DZIP3: variants seen among roughly 807,000 people sequenced by gnomAD.
DZIP3 encodes E3 ubiquitin-protein ligase DZIP3.
DZIP3 carries 118 observed loss-of-function variants against 162.0 expected under a neutral mutation model. That is an observed-to-expected ratio of 0.73 (90% CI 0.63 to 0.85). The LOEUF is 0.85. Ranked by LOEUF, DZIP3 falls within the 40% of genes least tolerant of loss-of-function variation. DZIP3 has a pLI of 0.00. For synonymous variants in DZIP3, 438 were observed against 458.6 expected, an observed-to-expected ratio of 0.96 and a Z score of 0.57; for missense variants, 1,331 against 1,407.0, an observed-to-expected ratio of 0.95 and a Z score of 0.86.
intron 24 of DZIP3, among the ~76,000 whole-genome samples, chr3:108,674,561 T>TA (rs1235570481): frequency 6.6e-6 from 1 of 151,976 alleles, no homozygotes; most frequent in Non-Finnish European, 1.5e-5. Context: ...GAACACCAGA[T>TA]ACTTATGAAA....
intron 22 of DZIP3, 109 bp downstream of exon 22, chr3:108,669,858 T>A: frequency 1.1e-6 from 1 of 870,336 alleles, no homozygotes; most frequent in Non-Finnish European, 1.8e-6. Context: ...GGGGTACTTT[T>A]GAGGCTGATA....
intron 22 of DZIP3, 50 bp downstream of exon 22, chr3:108,669,799 C>A: frequency 7.1e-7 from 1 of 1,400,966 alleles, no homozygotes; most frequent in Non-Finnish European, 1.0e-6. Context: ...AACTGTATTT[C>A]ACTCAACACT....
Position 108,686,589 on chromosome 3 carries a change from C to A in DZIP3, c.3149+5C>A. On this transcript the variant is annotated splice_donor_5th_base_variant and intron_variant, in intron 28 of 32. Coordinates refer to ENST00000361582, the MANE Select transcript of DZIP3 (RefSeq NM_014648.4). Reference sequence around the variant, plus strand: ...TGCCTTTCCACAGCAAACCAGGTACCTTAGTTTTTATTTATTGGTGGGTAC... The same window carrying A: ...TGCCTTTCCACAGCAAACCAGGTACATTAGTTTTTATTTATTGGTGGGTAC... The A allele has an allele frequency of 3.1e-6, 5 of 1,594,320 alleles. No individual in the cohort carries two copies. The highest frequency in any genetic ancestry group is 1.1e-5 in the South Asian group (1 of 87,370).
At chr3:108,660,887 C>G (rs1236903606) in intron 19 of DZIP3, among the ~76,000 whole-genome samples, 1 of 152,190 alleles carries the variant, frequency 6.6e-6, no homozygotes, top group Non-Finnish European at 1.5e-5. Context: ...TGAAAAAATA[C>G]TCATCATCAC....
chr3:108,674,071 C>A lies in DZIP3; in HGVS notation c.2590-7C>A, dbSNP rs753929891. Reference sequence around the variant, plus strand: ...AACTTCTTTCTCTTTCTCTCAAAAACCTGTAGGTGTATTTCTTACAGTGTC... The same window carrying A: ...AACTTCTTTCTCTTTCTCTCAAAAAACTGTAGGTGTATTTCTTACAGTGTC... On this transcript the variant is annotated splice_region_variant and splice_polypyrimidine_tract_variant and intron_variant, in intron 23 of 32. Coordinates refer to ENST00000361582, the MANE Select transcript of DZIP3 (RefSeq NM_014648.4). 1 of 1,602,852 alleles carries A rather than the reference C, an allele frequency of 6.2e-7. No homozygotes were observed. Among genetic ancestry groups the A allele is most frequent in the South Asian group, 1.1e-5 (1 of 90,738 alleles).
chr3:108,644,619 G>A lies in DZIP3; in HGVS notation c.1597G>A (p.Val533Ile), dbSNP rs1449188267. ...ACAGTTCAATTCAATTTGGAAAAAA[G>A]TTTCAGATATTCTTCTGCGCCTTGG... Reference protein sequence around the residue: ...ESQFNSIWKKVSDILLRLGMM... With the variant: ...ESQFNSIWKKISDILLRLGMM... The change falls in exon 14 of 33, where the codon GTT (valine) becomes ATT (isoleucine). Residue 533 changes from valine (V) to isoleucine (I), a missense_variant. Coordinates refer to ENST00000361582, the MANE Select transcript of DZIP3 (RefSeq NM_014648.4). 2 of 1,613,904 alleles carry A rather than the reference G, an allele frequency of 1.2e-6. No individual in the cohort carries two copies. The highest frequency in any genetic ancestry group is 1.3e-5 in the African/African-American group (1 of 74,910).
At chr3:108,690,964 G>A (rs911840799) in intron 32 of DZIP3, 61 bp downstream of exon 32, 2 of 1,409,294 alleles carry the variant, frequency 1.4e-6, no homozygotes, top group African/African-American at 1.4e-5. Flanking sequence ...TTGTTTGAGT[G>A]GTGTAAAACT....
At chr3:108,653,505 G>GTATATATATATA (rs1216334552) in intron 18 of DZIP3, among the ~76,000 whole-genome samples, 6 of 67,824 alleles carry the variant, frequency 8.8e-5, no homozygotes, top group African/African-American at 1.8e-4. Context: ...TTGTGTGTGT[G>GTATATATATATA]TGTATATATA....
chr3:108,687,916 C>T, intron 28 of DZIP3, 60 bp from the exon 29 acceptor site: 4 of 1,599,794 alleles, frequency 2.5e-6, no homozygotes, highest in Non-Finnish European at 3.4e-6. Context: ...TTGGTGGGTA[C>T]ATCCTCAAAG....
At chr3:108,598,044 A>G (rs1207254125) in intron 1 of DZIP3, among the ~76,000 whole-genome samples, 2 of 152,214 alleles carry the variant, frequency 1.3e-5, no homozygotes, top group African/African-American at 4.8e-5. Context: ...AGCAAAAACT[A>G]GTGTGACTAG....
intron 31 of DZIP3, among the ~76,000 whole-genome samples, chr3:108,689,556 G>A (rs1469728296): frequency 3.9e-5 from 6 of 151,978 alleles, no homozygotes; most frequent in Admixed American, 1.3e-4. Context: ...GCGTGGTGGC[G>A]GGTGCCTGTA....
intron 5 of DZIP3, among the ~76,000 whole-genome samples, chr3:108,617,583 C>T (rs2107533899): frequency 6.6e-6 from 1 of 151,954 alleles, no homozygotes; most frequent in South Asian, 2.1e-4. Context: ...ACCCAGACAC[C>T]AAAAAAGGGA....
intron 5 of DZIP3, among the ~76,000 whole-genome samples, chr3:108,618,159 T>A (rs116404740): frequency 1.2e-3 from 185 of 152,296 alleles, no homozygotes; most frequent in Admixed American, 3.9e-3. Context: ...TCTTTGCTGA[T>A]GGGGAGAAGG....
At position 108,608,001 on chromosome 3, in the gene DZIP3, A is replaced by C. The variant is rs1029094784; in HGVS notation, c.33-88A>C. Reference sequence around the variant, plus strand: ...TACATTTTGGTTACACTTTCAGACAATAATTCAATTGTTAGATTCTTTACT... The same window carrying C: ...TACATTTTGGTTACACTTTCAGACACTAATTCAATTGTTAGATTCTTTACT... On this transcript the variant is annotated intron_variant, in intron 2 of 32. Transcript: ENST00000361582. 1.8e-5 allele frequency: 21 copies of C among 1,161,250 alleles called. No homozygotes were observed. In the African/African-American group the frequency reaches 3.2e-4, roughly 18 times the overall value. The allele number at this position is 1,161,250 out of a possible 1,614,324, so 71.9% of individuals were successfully genotyped here.
Position 108,690,904 on chromosome 3 carries a change from G to T in DZIP3, c.*6+1G>T. On this transcript the variant is annotated splice_donor_variant, in intron 32 of 32. Transcript: ENST00000361582. LOFTEE classifies it low-confidence loss of function (3UTR_SPLICE). ...GCAGTTGCCCAAGATCTGATACAAG[G>T]TCGGGGTGTCTATGCAAAGGAAGCT... 3 of 1,613,616 alleles carry T rather than the reference G, an allele frequency of 1.9e-6. No homozygotes were observed. Among genetic ancestry groups the T allele is most frequent in the Non-Finnish European group, 2.5e-6 (3 of 1,179,562 alleles).
chr3:108,616,657 C>T lies in DZIP3; in HGVS notation c.375C>T (p.Thr125=), dbSNP rs12330782. The T allele has an allele frequency of 3.4e-3, 5,385 of 1,563,686 alleles. 175 individuals are homozygous for T. The African/African-American group carries it at 0.066, about 19-fold the overall frequency. The change falls in exon 5 of 33, where the codon ACC becomes ACT. Residue 125 remains threonine (T), a splice_region_variant and synonymous_variant. Coordinates refer to ENST00000361582, the MANE Select transcript of DZIP3 (RefSeq NM_014648.4). Reference sequence around the variant, plus strand: ...GGAACATTCAAGCTGGCAATTATACCGTAAGTGTTTTCTTTTTGGAAATTT... The same window carrying T: ...GGAACATTCAAGCTGGCAATTATACTGTAAGTGTTTTCTTTTTGGAAATTT... ...ALRNIQAGNY[T]AHQINIGYYL... is the part of the protein sequence containing the mutation.
Position 108,648,288 on chromosome 3 carries a change from CTT to C in DZIP3, c.1962+178_1962+179del, listed in dbSNP as rs146086031. 410 of 528,360 alleles carry C rather than the reference CTT, an allele frequency of 7.8e-4. 2 individuals are homozygous for C. The highest frequency in any genetic ancestry group is 7.7e-3 in the African/African-American group (387 of 50,328). The allele number at this position is 528,360 out of a possible 1,614,324, so 32.7% of individuals were successfully genotyped here. A position where few individuals can be genotyped will look rare whatever the true frequency, so the allele number is the denominator to read the frequency against. On this transcript the variant is annotated intron_variant, in intron 16 of 32. Transcript: ENST00000361582. ...TTGCCTCAGTACTTCCTTCCATAAT[CTT>C]TCCTGCCATAACCATTTATTTTGCC...
chr3:108,619,978 C>G (rs989022675), intron 5 of DZIP3, among the ~76,000 whole-genome samples: 11 of 151,404 alleles, frequency 7.3e-5, no homozygotes, highest in African/African-American at 2.7e-4. Flanking sequence ...CCCTCATGTT[C>G]AGAGATTTGC....
At chr3:108,611,930 C>T (rs1441849794) in intron 4 of DZIP3, among the ~76,000 whole-genome samples, 1 of 150,368 alleles carries the variant, frequency 6.7e-6, no homozygotes, top group African/African-American at 2.5e-5. Flanking sequence ...TGCCACTGCA[C>T]TCCTGCCTGG....
Sources: allele counts gnomAD v4.1 joint callset (sites outside exome capture counted in the v4.1 genomes callset), GRCh38; gene constraint gnomAD v4.1.1; transcripts MANE v1.5; gene names NCBI Gene and HGNC (gene_info 2026-07-23, HGNC 2026-07-21).